TC2N: variants seen among roughly 807,000 people sequenced by gnomAD.
The protein encoded by TC2N is tandem C2 domains, nuclear, also known as tandem C2 domains nuclear protein.
In TC2N, 51 loss-of-function variants were observed where a neutral mutation model predicts 61.9. The ratio of observed to expected loss-of-function variants is 0.82; its 90% CI spans 0.66 to 1.04. The LOEUF is 1.04. Ranked by LOEUF, TC2N falls within the 50% of genes least tolerant of loss-of-function variation. The pLI, the probability that TC2N is intolerant of heterozygous loss-of-function variation, is 0.00. For synonymous variants in TC2N, 204 were observed against 192.6 expected (o/e 1.06, Z -0.49); for missense variants, 556 against 566.7 (o/e 0.98, Z 0.19).
intron 1 of TC2N, among the ~76,000 whole-genome samples, chr14:91,857,981 T>G (rs1720270581): frequency 6.6e-6 from 1 of 151,208 alleles, no homozygotes; most frequent in African/African-American, 2.4e-5. Flanking sequence ...TTGTTTGTTT[T>G]TTGAGATAGG....
chr14:91,785,500 T>G (rs1885322294), intron 10 of TC2N, 139 bp from the exon 11 acceptor site: 1 of 632,124 alleles, frequency 1.6e-6, no homozygotes, highest in African/African-American at 1.8e-5. Context: ...AAATGTTTGA[T>G]GAGCTACGAC....
chr14:91,825,026 C>CCT (rs1887429573), intron 1 of TC2N, among the ~76,000 whole-genome samples: 2 of 66,860 alleles, frequency 3.0e-5, no homozygotes, highest in African/African-American at 1.2e-4. Flanking sequence ...TTTTTCTTTT[C>CCT]TTTTTTTTTT....
In TC2N at chr14:91,837,133, G is replaced by A. The variant is rs1888057620; in HGVS notation, c.-56-23308C>T. 6.6e-6 allele frequency among the ~76,000 whole-genome samples: 1 copy of A among 152,188 alleles called. No homozygotes were observed. Among genetic ancestry groups the A allele is most frequent in the Admixed American group, 6.5e-5 (1 of 15,286 alleles). On this transcript the variant is annotated intron_variant, in intron 1 of 11. Coordinates refer to ENST00000435962, the MANE Select transcript of TC2N (RefSeq NM_001128596.3). The surrounding 1 kb of genome is among the most constrained non-coding windows in gnomAD (Gnocchi z 4.2). Reference sequence around the variant, plus strand: ...TAACCCTGGTAAAGCGGGGGGCCTGGCCCTTTTCTCTGGGCTTCCTTGGTG... The same window carrying A: ...TAACCCTGGTAAAGCGGGGGGCCTGACCCTTTTCTCTGGGCTTCCTTGGTG...
At chr14:91,838,401 C>T (rs1300232536) in intron 1 of TC2N, among the ~76,000 whole-genome samples, 1 of 152,192 alleles carries the variant, frequency 6.6e-6, no homozygotes, top group Non-Finnish European at 1.5e-5. Context: ...ATGCCTCAGC[C>T]TCCCAAAGTG....
intron 1 of TC2N, among the ~76,000 whole-genome samples, chr14:91,824,055 C>CA (rs1443068085): frequency 6.6e-6 from 1 of 152,180 alleles, no homozygotes; most frequent in African/African-American, 2.4e-5. Flanking sequence ...ATCCCACTTA[C>CA]AACAGATCTG....
At chr14:91,823,497 G>T (rs568763099) in intron 1 of TC2N, among the ~76,000 whole-genome samples, 45 of 147,372 alleles carry the variant, frequency 3.1e-4, no homozygotes, top group African/African-American at 1.1e-3. Flanking sequence ...TCCAGACTGG[G>T]CAACAAGAGC....
intron 3 of TC2N, among the ~76,000 whole-genome samples, chr14:91,810,624 A>G (rs1346500166): frequency 6.6e-6 from 1 of 152,196 alleles, no homozygotes; most frequent in African/African-American, 2.4e-5. Flanking sequence ...ATCACCAGAT[A>G]AAGATTTTAA....
At chr14:91,811,079 T>A (rs1886744928) in intron 3 of TC2N, among the ~76,000 whole-genome samples, 1 of 152,052 alleles carries the variant, frequency 6.6e-6, no homozygotes, top group Non-Finnish European at 1.5e-5. Flanking sequence ...CACACAAAAT[T>A]CTACAAATAC....
At chr14:91,842,237 G>A (rs562076165) in intron 1 of TC2N, among the ~76,000 whole-genome samples, 18 of 152,034 alleles carry the variant, frequency 1.2e-4, no homozygotes, top group African/African-American at 3.4e-4. Context: ...TGCCCACCTC[G>A]GCCTCTCAAA....
In TC2N at chr14:91,785,252, A is replaced by C; in HGVS notation, c.1272T>G (p.Ile424Met). The C allele has an allele frequency of 1.2e-6, 2 of 1,613,288 alleles. No homozygotes were observed. Among genetic ancestry groups the C allele is most frequent in the Non-Finnish European group, 1.7e-6 (2 of 1,179,352 alleles). ...CTTTTTCACTCTGTATAAGTGGAAAAATCATAGTCTCTCCCCACTTGACTC... is the reference window on the plus strand; with the variant it reads ...CTTTTTCACTCTGTATAAGTGGAAACATCATAGTCTCTCCCCACTTGACTC... ...NGRVKWGETM[I>M]FPLIQSEKEI... Residue 424 changes from isoleucine to methionine, a missense_variant, in exon 11 of 12, where the codon ATT becomes ATG. By Grantham distance (10) the Ile-to-Met change is conservative (BLOSUM62 1). Transcript: ENST00000435962.
intron 1 of TC2N, among the ~76,000 whole-genome samples, chr14:91,863,099 T>C (rs910664937): frequency 6.6e-6 from 1 of 152,262 alleles, no homozygotes; most frequent in Non-Finnish European, 1.5e-5. Context: ...AGACTGGCTG[T>C]GTGGAAATGC....
At chr14:91,812,027 C>A in intron 3 of TC2N, 1 of 175,798 alleles carries the variant, frequency 5.7e-6, no homozygotes, top group South Asian at 1.8e-4. Context: ...TTTTGAGGTG[C>A]AGTTGGTTAA....
Position 91,812,332 on chromosome 14 carries a change from G to C in TC2N, c.281C>G (p.Ser94Ter). 1 of 1,599,190 alleles carries C rather than the reference G, an allele frequency of 6.3e-7. No individual in the cohort carries two copies. The highest frequency in any genetic ancestry group is 8.5e-7 in the Non-Finnish European group (1 of 1,170,462). Residue 94 changes from serine (S) to a stop codon, truncating the protein, a stop_gained, in exon 3 of 12, where the codon TCA becomes TGA. Coordinates refer to ENST00000435962, the MANE Select transcript of TC2N (RefSeq NM_001128596.3). LOFTEE classifies it high-confidence loss of function. ...TTTACCTTCAAGTTCTTCCAGATGT[G>C]AAGGAGTTTCTTGTGTCCTGGGTTG... ...YIQPRTQETPSHLEELEGSAR... is the reference protein window; with the variant it reads ...YIQPRTQETP
intron 10 of TC2N, among the ~76,000 whole-genome samples, chr14:91,787,121 G>C (rs1885403309): frequency 6.6e-6 from 1 of 152,084 alleles, no homozygotes; most frequent in African/African-American, 2.4e-5. Context: ...AGTGTTTCTA[G>C]GTTTGTTTTT....
chr14:91,853,207 A>T (rs747954622), intron 1 of TC2N, among the ~76,000 whole-genome samples: 9 of 152,232 alleles, frequency 5.9e-5, no homozygotes, highest in Non-Finnish European at 1.2e-4. Flanking sequence ...ATTTCACCTT[A>T]GTACAGATCA....
At chr14:91,806,718 A>T (rs893260898) in intron 3 of TC2N, among the ~76,000 whole-genome samples, 8 of 152,172 alleles carry the variant, frequency 5.3e-5, no homozygotes, top group South Asian at 4.1e-4. Flanking sequence ...AGTTCGAAAA[A>T]TTTGCAGACT....
intron 3 of TC2N, among the ~76,000 whole-genome samples, chr14:91,809,149 G>A (rs1467571203): frequency 2.0e-5 from 3 of 152,112 alleles, no homozygotes; most frequent in Admixed American, 6.6e-5. Flanking sequence ...GGTAGCTCAC[G>A]TCTGTAATCC....
At chr14:91,788,521 G>A (rs1031434830) in intron 9 of TC2N, among the ~76,000 whole-genome samples, 4 of 152,164 alleles carry the variant, frequency 2.6e-5, no homozygotes, top group African/African-American at 9.7e-5. Context: ...GTCTTTGTTA[G>A]TACTGATTCC....
intron 9 of TC2N, among the ~76,000 whole-genome samples, chr14:91,789,548 T>C (rs1885540275): frequency 6.6e-6 from 1 of 151,652 alleles, no homozygotes; most frequent in African/African-American, 2.4e-5. Context: ...GAGGCGGAGC[T>C]TGCAGTGAGC....
Sources: gnomAD v4.1 joint callset for allele counts (sites outside exome capture counted in the v4.1 genomes callset) on GRCh38, gnomAD v4.1.1 for gene constraint, Gnocchi (gnomAD v3.1) non-coding constraint, MANE v1.5 for transcripts, NCBI Gene and HGNC (gene_info 2026-07-23, HGNC 2026-07-21) for gene names.